Variants in CSF2RA observed in about 807,000 individuals in gnomAD.
CSF2RA encodes the protein granulocyte-macrophage colony-stimulating factor receptor subunit alpha.
A neutral mutation model predicts 51.6 loss-of-function variants in CSF2RA; 42 were observed. The ratio of observed to expected loss-of-function variants is 0.81; its 90% CI spans 0.64 to 1.05. CSF2RA has a LOEUF of 1.05. Among genes scored for constraint, CSF2RA ranks in the 50% least tolerant of loss-of-function variants. The pLI, the probability that CSF2RA is intolerant of heterozygous loss-of-function variation, is 0.00. For missense variants in CSF2RA, 530 were observed against 501.1 expected (o/e 1.06, Z -0.55); for synonymous variants, 222 against 193.0 (o/e 1.15, Z -1.24).
intron 5 of CSF2RA, 45 bp downstream of exon 5, chrX:1,288,687 C>T: frequency 6.2e-7 from 1 of 1,613,894 alleles, no homozygotes; most frequent in Non-Finnish European, 8.5e-7. Flanking sequence ...CTGGCCCCAC[C>T]ACCCCGCCAG....
At chrX:1,314,950 T>G (rs753313637), downstream of CSF2RA, among the ~76,000 whole-genome samples, 3 of 112,878 alleles carry the variant, frequency 2.7e-5, no homozygotes, top group African/African-American at 7.1e-5. Flanking sequence ...CCAACCCCTC[T>G]GTGCCTGCCC....
At chrX:1,310,767 T>C (rs1480135050), downstream of CSF2RA, among the ~76,000 whole-genome samples, 1 of 151,912 alleles carries the variant, frequency 6.6e-6, no homozygotes, top group Non-Finnish European at 1.5e-5. Flanking sequence ...GACAAAGTGA[T>C]GATATAGTTT....
At chrX:1,305,938 T>A in intron 12 of CSF2RA, 2 of 722,622 alleles carry the variant, frequency 2.8e-6, no homozygotes, top group Admixed American at 2.6e-5. Context: ...AAAAATTAGC[T>A]GGGTGTGGTG....
At chrX:1,273,643 T>C (rs1393682056) in intron 1 of CSF2RA, among the ~76,000 whole-genome samples, 2 of 150,074 alleles carry the variant, frequency 1.3e-5, no homozygotes. Flanking sequence ...TACAGGGGCA[T>C]AATCTTGGCT....
chrX:1,314,512 C>A (rs1311581025), downstream of CSF2RA, among the ~76,000 whole-genome samples: 74 of 116,804 alleles, frequency 6.3e-4, no homozygotes, highest in African/African-American at 2.2e-3. Context: ...CCCAACCGCA[C>A]TGCACCTGCC....
At chrX:1,309,349 G>A (rs1400942645) in intron 12 of CSF2RA, 53 bp from the exon 13 acceptor site, 28 of 1,550,170 alleles carry the variant, frequency 1.8e-5, no homozygotes, top group Non-Finnish European at 2.5e-5. Flanking sequence ...AGCCCACTGA[G>A]TCCCAGGCTG....
At chrX:1,300,087 T>C (rs1411227443) in intron 9 of CSF2RA, among the ~76,000 whole-genome samples, 2 of 150,034 alleles carry the variant, frequency 1.3e-5, no homozygotes, top group African/African-American at 2.5e-5. Flanking sequence ...GGCGTGGTGG[T>C]GGGCACCTGT....
chrX:1,297,009 C>T (rs370707813), intron 9 of CSF2RA, among the ~76,000 whole-genome samples: 1 of 58,662 alleles, frequency 1.7e-5, no homozygotes, highest in East Asian at 5.2e-4. Context: ...GACCCCTACA[C>T]TCTCCTACCC....
chrX:1,277,141 G>C (rs1319057753), intron 2 of CSF2RA, among the ~76,000 whole-genome samples: 1 of 151,946 alleles, frequency 6.6e-6, no homozygotes, highest in South Asian at 2.1e-4. Context: ...AGAAGACAGG[G>C]AAAAGAGGTG....
chrX:1,299,051 G>A (rs2092199974), intron 9 of CSF2RA, among the ~76,000 whole-genome samples: 1 of 152,188 alleles, frequency 6.6e-6, no homozygotes, highest in African/African-American at 2.4e-5. Context: ...ACCAGAGGAT[G>A]CAGATCTCAC....
intron 4 of CSF2RA, among the ~76,000 whole-genome samples, chrX:1,286,307 G>A (rs748692492): frequency 3.3e-5 from 5 of 150,578 alleles, no homozygotes; most frequent in East Asian, 2.0e-4. Flanking sequence ...GGTGGCTCAC[G>A]CTTGTCATCC....
chrX:1,301,395 A>C (rs1431331009), intron 10 of CSF2RA, among the ~76,000 whole-genome samples: 1 of 149,958 alleles, frequency 6.7e-6, no homozygotes, highest in Non-Finnish European at 1.5e-5. Context: ...ATACGGGGTC[A>C]TGCAACATTG....
Position 1,306,418 on chromosome X carries a change from G to A in CSF2RA, c.1125+891G>A, listed in dbSNP as rs370479776. ...TCCCAGCACTTTGGGAGGCCGAGGC[G>A]GGTGGATCACTTGAGGTCGGGAGTT... On this transcript the variant is annotated intron_variant, in intron 12 of 12. Transcript: ENST00000381529. 4.7e-4 allele frequency among the ~76,000 whole-genome samples: 71 copies of A among 151,956 alleles called. 1 individual carries two copies. Among genetic ancestry groups the A allele is most frequent in the African/African-American group, 1.6e-3 (66 of 41,474 alleles).
intron 2 of CSF2RA, among the ~76,000 whole-genome samples, chrX:1,277,460 G>A (rs2089327282): frequency 6.6e-6 from 1 of 150,712 alleles, no homozygotes; most frequent in Non-Finnish European, 1.5e-5. Flanking sequence ...GCCAGGTGTG[G>A]TGGTGCGTGC....
intron 2 of CSF2RA, 135 bp downstream of exon 2, chrX:1,274,953 G>A (rs2088970201): frequency 2.4e-6 from 1 of 420,080 alleles, no homozygotes; most frequent in African/African-American, 2.1e-5. Flanking sequence ...AGAAGAATCT[G>A]AATGAGGAAC....
At chrX:1,300,417 A>G in intron 9 of CSF2RA, 74 bp from the exon 10 acceptor site, 1 of 1,557,744 alleles carries the variant, frequency 6.4e-7, no homozygotes, top group Non-Finnish European at 8.7e-7. Flanking sequence ...CTTAAAAGAC[A>G]AAAGAACGAA....
At chrX:1,323,502 G>A in the CSF2RA span, among the ~76,000 whole-genome samples, 1 of 152,146 alleles carries the variant, frequency 6.6e-6, no homozygotes, top group Non-Finnish European at 1.5e-5. Flanking sequence ...CTCACATCTG[G>A]GTGGTGGCCA....
chrX:1,286,732 C>A (rs1185030415), intron 4 of CSF2RA, among the ~76,000 whole-genome samples: 2 of 152,144 alleles, frequency 1.3e-5, no homozygotes, highest in African/African-American at 4.8e-5. Context: ...AGCCTGATTC[C>A]CTGAGGCAGA....
intron 1 of CSF2RA, among the ~76,000 whole-genome samples, chrX:1,272,752 A>C (rs2088608042): frequency 6.7e-6 from 1 of 150,090 alleles, no homozygotes; most frequent in Non-Finnish European, 1.5e-5. Context: ...CGGCCTCCCA[A>C]AGTGCTGGGA....
Sources: allele counts gnomAD v4.1 joint callset (sites outside exome capture counted in the v4.1 genomes callset), GRCh38; gene constraint gnomAD v4.1.1; transcripts MANE v1.5; gene names NCBI Gene and HGNC (gene_info 2026-07-23, HGNC 2026-07-21).